Variants in ZNF385D observed in about 807,000 individuals in gnomAD.
ZNF385D encodes zinc finger protein 659.
A neutral mutation model predicts 35.8 loss-of-function variants in ZNF385D; 15 were observed. The observed-to-expected ratio is 0.42, with a 90% CI of 0.28 to 0.64. The LOEUF (loss-of-function observed/expected upper bound fraction) is 0.64, where lower values mean the gene tolerates loss of function less well. Ranked by LOEUF, ZNF385D falls within the 30% of genes least tolerant of loss-of-function variation. The probability of loss-of-function intolerance (pLI) is 0.23; values close to 1 mark genes in which losing one functional copy is unlikely to be tolerated. For missense variants in ZNF385D, 474 were observed against 494.6 expected (o/e 0.96, Z 0.39); for synonymous variants, 212 against 186.8 (o/e 1.13, Z -1.10).
intron 1 of ZNF385D, among the ~76,000 whole-genome samples, chr3:21,723,567 G>A (rs539984007): frequency 6.6e-6 from 1 of 152,164 alleles, no homozygotes; most frequent in Non-Finnish European, 1.5e-5. Flanking sequence ...ATTGAAGATC[G>A]ATTTAATGAA....
intron 4 of ZNF385D, chr3:21,459,472 G>A (rs1385101462): frequency 6.6e-6 from 1 of 151,952 alleles, no homozygotes; most frequent in Non-Finnish European, 1.5e-5. Context: ...AAGAGGAGAA[G>A]AGCAGAATGA....
intron 1 of ZNF385D, among the ~76,000 whole-genome samples, chr3:21,699,348 G>A (rs1223232727): frequency 6.6e-6 from 1 of 152,068 alleles, no homozygotes; most frequent in Non-Finnish European, 1.5e-5. Flanking sequence ...GGGGGTGAGG[G>A]GCTAGGGGAG....
intron 3 of ZNF385D, among the ~76,000 whole-genome samples, chr3:21,825,848 G>C (rs1694578459): frequency 6.6e-6 from 1 of 152,196 alleles, no homozygotes; most frequent in African/African-American, 2.4e-5. Flanking sequence ...TGTACAGCAG[G>C]AGGTGAGCGC....
chr3:22,293,367 A>T lies in ZNF385D; in HGVS notation c.106+79083T>A, dbSNP rs151081478. Among the ~76,000 whole-genome samples, 18 of 152,242 alleles carry T rather than the reference A, an allele frequency of 1.2e-4. No homozygotes were observed. In the East Asian group the frequency reaches 3.3e-3, roughly 28 times the overall value. ...TAATTTAGTATCTCTCCTTCTCTCC[A>T]TAAGACTTTAATAAATTATACATCT... On this transcript the variant is annotated intron_variant, in intron 2 of 5. Coordinates refer to the ZNF385D transcript ENST00000494108.
intron 3 of ZNF385D, among the ~76,000 whole-genome samples, chr3:21,909,422 A>G (rs1342474850): frequency 2.0e-5 from 3 of 152,104 alleles, no homozygotes; most frequent in Non-Finnish European, 4.4e-5. Flanking sequence ...TATGACTGAT[A>G]ATAACATCAG....
chr3:22,223,472 G>A (rs1260648624), intron 2 of ZNF385D, among the ~76,000 whole-genome samples: 1 of 151,892 alleles, frequency 6.6e-6, no homozygotes, highest in Non-Finnish European at 1.5e-5. Flanking sequence ...TTTTTTCTGG[G>A]CTTCAAATTT....
Position 21,746,983 on chromosome 3 carries a change from C to T in ZNF385D, c.22+3912G>A, listed in dbSNP as rs181722443. On this transcript the variant is annotated intron_variant, in intron 1 of 7. Transcript: ENST00000281523. Reference sequence around the variant, plus strand: ...TCCTTCCTAAGACAATGTACAAATGCGTCTATTATAGGCAGGGGAATAGGG... The same window carrying T: ...TCCTTCCTAAGACAATGTACAAATGTGTCTATTATAGGCAGGGGAATAGGG... Among the ~76,000 whole-genome samples the T allele has an allele frequency of 1.4e-3, 208 of 150,786 alleles. 1 individual carries two copies. Among genetic ancestry groups the T allele is most frequent in the Admixed American group, 8.4e-3 (127 of 15,188 alleles).
chr3:21,810,408 G>T (rs999266051), intron 3 of ZNF385D, among the ~76,000 whole-genome samples: 4 of 151,984 alleles, frequency 2.6e-5, no homozygotes, highest in Non-Finnish European at 5.9e-5. Flanking sequence ...AGCATTAGGA[G>T]ATAAACCTAA....
rs191832989 is a variant in ZNF385D at position 22,172,163 on chromosome 3, G to A, written c.107-3128C>T. Among the ~76,000 whole-genome samples the A allele has an allele frequency of 3.3e-5, 5 of 152,250 alleles. No individual in the cohort carries two copies. The East Asian group carries it at 9.7e-4, about 29-fold the overall frequency. On this transcript the variant is annotated intron_variant, in intron 2 of 5. Coordinates refer to the ZNF385D transcript ENST00000494108. ...AACCTTCACCCCTCAGAACCATTAAGACACTGGAAAGATGTCTGGCTTAAT... is the reference window on the plus strand; with the variant it reads ...AACCTTCACCCCTCAGAACCATTAAAACACTGGAAAGATGTCTGGCTTAAT...
intron 4 of ZNF385D, among the ~76,000 whole-genome samples, chr3:21,472,357 G>GCTAA (rs1270235087): frequency 3.9e-5 from 6 of 152,066 alleles, no homozygotes; most frequent in African/African-American, 1.4e-4. Flanking sequence ...GGACATAGAG[G>GCTAA]AGGACTATAA....
At chr3:21,936,629 A>C (rs867422175) in intron 3 of ZNF385D, among the ~76,000 whole-genome samples, 4 of 152,124 alleles carry the variant, frequency 2.6e-5, no homozygotes, top group African/African-American at 9.7e-5. Context: ...ATGAAACTTT[A>C]AGTGAAGACA....
At chr3:22,294,043 T>TTC (rs1166669363) in intron 2 of ZNF385D, among the ~76,000 whole-genome samples, 1 of 152,008 alleles carries the variant, frequency 6.6e-6, no homozygotes, top group African/African-American at 2.4e-5. Flanking sequence ...CTTTTTTTTT[T>TTC]CTAATTGATT....
chr3:22,082,325 G>A (rs973238119), intron 3 of ZNF385D, among the ~76,000 whole-genome samples: 3 of 152,092 alleles, frequency 2.0e-5, no homozygotes, highest in Admixed American at 6.5e-5. Flanking sequence ...GACAGTACCT[G>A]GAAAATTGGG....
chr3:21,948,537 C>T (rs1701905295), intron 3 of ZNF385D, among the ~76,000 whole-genome samples: 1 of 152,098 alleles, frequency 6.6e-6, no homozygotes, highest in Non-Finnish European at 1.5e-5. Context: ...CCGCTTCTCA[C>T]ATCTAATATT....
intron 3 of ZNF385D, among the ~76,000 whole-genome samples, chr3:22,126,087 T>C (rs1422748148): frequency 6.6e-6 from 1 of 152,096 alleles, no homozygotes; most frequent in African/African-American, 2.4e-5. Flanking sequence ...GTATGTTCCT[T>C]GTATACCCAG....
At position 22,213,132 on chromosome 3, in the gene ZNF385D, T is replaced by C. The variant is rs57312618; in HGVS notation, c.107-44097A>G. Among the ~76,000 whole-genome samples the C allele has an allele frequency of 4.8e-3, 737 of 152,200 alleles. 10 individuals are homozygous for C. Among genetic ancestry groups the C allele is most frequent in the African/African-American group, 0.017 (690 of 41,566 alleles). ...TTTTTTCAAAGAACAGACATAATTA[T>C]TAGAAGTTTGTCATGTGACAATAGA... On this transcript the variant is annotated intron_variant, in intron 2 of 5. Coordinates refer to the ZNF385D transcript ENST00000494108.
chr3:21,974,236 G>T (rs561700194), intron 3 of ZNF385D, among the ~76,000 whole-genome samples: 8 of 152,068 alleles, frequency 5.3e-5, no homozygotes, highest in African/African-American at 1.9e-4. Flanking sequence ...ATATAGACCA[G>T]TGGAACAGAA....
intron 3 of ZNF385D, among the ~76,000 whole-genome samples, chr3:21,927,229 C>T (rs547368761): frequency 6.6e-6 from 1 of 152,058 alleles, no homozygotes; most frequent in Admixed American, 6.6e-5. Flanking sequence ...GTGTTGGTAC[C>T]ATGCTTCTTG....
chr3:21,894,258 A>C (rs1442748546), intron 3 of ZNF385D, among the ~76,000 whole-genome samples: 1 of 152,204 alleles, frequency 6.6e-6, no homozygotes, highest in Non-Finnish European at 1.5e-5. Context: ...TAGGTTAATA[A>C]TCCACTGTCA....
Sources: gnomAD v4.1 joint callset for allele counts (sites outside exome capture counted in the v4.1 genomes callset) on GRCh38, gnomAD v4.1.1 for gene constraint, MANE v1.5 for transcripts, NCBI Gene and HGNC (gene_info 2026-07-23, HGNC 2026-07-21) for gene names.